Variants in CAMK1D observed in about 807,000 individuals in gnomAD.
The protein encoded by CAMK1D is calcium/calmodulin dependent protein kinase ID, also known as calcium/calmodulin-dependent protein kinase type 1D.
Under a neutral mutation model 47.7 loss-of-function variants are expected in CAMK1D, and 9 were observed. The observed-to-expected ratio is 0.19, with a 90% confidence interval of 0.11 to 0.33. The LOEUF (loss-of-function observed/expected upper bound fraction) is 0.33, where lower values mean the gene tolerates loss of function less well. Ranked by LOEUF, CAMK1D falls within the 10% of genes least tolerant of loss-of-function variation. The pLI, the probability that CAMK1D is intolerant of heterozygous loss-of-function variation, is 1.00. For missense variants in CAMK1D, 291 were observed against 488.7 expected (o/e 0.60, Z 3.81); for synonymous variants, 184 against 184.9 (o/e 0.99, Z 0.04).
chr10:12,773,175 TG>T (rs561344018), intron 5 of CAMK1D, among the ~76,000 whole-genome samples: 13 of 152,350 alleles, frequency 8.5e-5, no homozygotes, highest in African/African-American at 3.1e-4. Flanking sequence ...AGACACTTAC[TG>T]AATTTAGTAA....
chr10:12,672,066 C>T (rs1180237195), intron 3 of CAMK1D, among the ~76,000 whole-genome samples: 1 of 151,858 alleles, frequency 6.6e-6, no homozygotes, highest in Non-Finnish European at 1.5e-5. Flanking sequence ...CAGGCACCCG[C>T]CACCACGCCT....
intron 1 of CAMK1D, among the ~76,000 whole-genome samples, chr10:12,404,604 A>G (rs1238999936): frequency 5.3e-5 from 8 of 152,172 alleles, no homozygotes; most frequent in Non-Finnish European, 1.5e-5. Context: ...CTTGGTATGA[A>G]TAACTTCCTT....
chr10:12,411,601 CT>C (rs35221185), intron 1 of CAMK1D, among the ~76,000 whole-genome samples: 69,085 of 145,282 alleles, frequency 0.48, 16,263 homozygotes, highest in African/African-American at 0.59. Flanking sequence ...TACCTGGCTT[CT>C]TTTTTTTTTT....
intron 1 of CAMK1D, among the ~76,000 whole-genome samples, chr10:12,437,348 C>T (rs561170103): frequency 6.6e-5 from 10 of 152,248 alleles, no homozygotes; most frequent in Admixed American, 2.6e-4. Context: ...TCTGCTACCA[C>T]GCCTGGCTAA....
intron 1 of CAMK1D, among the ~76,000 whole-genome samples, chr10:12,497,136 T>C (rs1226739034): frequency 6.6e-6 from 1 of 152,178 alleles, no homozygotes; most frequent in Non-Finnish European, 1.5e-5. Context: ...ATCCAGTCTA[T>C]CATTGATGGG....
chr10:12,441,430 C>G (rs1832780697), intron 1 of CAMK1D, among the ~76,000 whole-genome samples: 1 of 151,844 alleles, frequency 6.6e-6, no homozygotes, highest in African/African-American at 2.4e-5. Flanking sequence ...CTCCTGGGTT[C>G]AAGTGATCCA....
intron 1 of CAMK1D, among the ~76,000 whole-genome samples, chr10:12,418,092 C>T (rs894582843): frequency 2.6e-5 from 4 of 152,216 alleles, no homozygotes; most frequent in East Asian, 1.9e-4. Context: ...TGAGCCACCA[C>T]GCCTGGCCTC....
At chr10:12,769,595 T>C in intron 4 of CAMK1D, 78 bp from the exon 5 acceptor site, 1 of 1,518,500 alleles carries the variant, frequency 6.6e-7, no homozygotes, top group Non-Finnish European at 9.0e-7. Flanking sequence ...TGAATAGGTT[T>C]TGCAGCTGAA....
intron 2 of CAMK1D, 129 bp downstream of exon 2, chr10:12,553,485 G>A (rs906053494): frequency 8.9e-6 from 6 of 677,220 alleles, no homozygotes; most frequent in Admixed American, 2.8e-5. Flanking sequence ...CTGTGCAAAC[G>A]ATAACCAACT....
chr10:12,410,921 C>T (rs1839634056), intron 1 of CAMK1D, among the ~76,000 whole-genome samples: 1 of 152,126 alleles, frequency 6.6e-6, no homozygotes, highest in South Asian at 2.1e-4. Flanking sequence ...GTACTAATTG[C>T]CAAAGGCGGC....
chr10:12,677,742 A>C (rs369403616), intron 3 of CAMK1D, among the ~76,000 whole-genome samples: 48 of 152,180 alleles, frequency 3.2e-4, no homozygotes, highest in African/African-American at 1.2e-3. Flanking sequence ...TGAGTCTATG[A>C]GGGACTTTGT....
intron 6 of CAMK1D, among the ~76,000 whole-genome samples, chr10:12,800,945 T>A (rs2493764): frequency 0.43 from 65,606 of 151,564 alleles, 15,677 homozygotes; most frequent in African/African-American, 0.66. Context: ...TGGTTCTGAG[T>A]TGTTGCCCAA....
At chr10:12,618,364 T>C (rs1838888508) in intron 2 of CAMK1D, among the ~76,000 whole-genome samples, 1 of 152,258 alleles carries the variant, frequency 6.6e-6, no homozygotes, top group Admixed American at 6.5e-5. Flanking sequence ...TGCATGCTCT[T>C]TCTAACATCT....
At chr10:12,628,921 A>G (rs1484671646) in intron 2 of CAMK1D, among the ~76,000 whole-genome samples, 5 of 152,236 alleles carry the variant, frequency 3.3e-5, no homozygotes, top group Admixed American at 3.3e-4. Context: ...TCACTTAGAA[A>G]TGCACAGTTA....
chr10:12,813,365 C>T, intron 6 of CAMK1D, among the ~76,000 whole-genome samples: 1 of 152,168 alleles, frequency 6.6e-6, no homozygotes, highest in Non-Finnish European at 1.5e-5. Context: ...AACTCAACGT[C>T]ATAAAATTTC....
chr10:12,400,379 C>T (rs1839133636), intron 1 of CAMK1D, among the ~76,000 whole-genome samples: 1 of 152,046 alleles, frequency 6.6e-6, no homozygotes, highest in Non-Finnish European at 1.5e-5. Flanking sequence ...AGCAGTCAAG[C>T]GAAGTGCTGA....
intron 3 of CAMK1D, among the ~76,000 whole-genome samples, chr10:12,674,539 A>G (rs961319923): frequency 7.0e-6 from 1 of 142,496 alleles, no homozygotes; most frequent in African/African-American, 2.6e-5. Context: ...TGCTGCAGCA[A>G]GAGTCTTAAT....
At chr10:12,575,187 G>C (rs1168732350) in intron 2 of CAMK1D, among the ~76,000 whole-genome samples, 2 of 152,144 alleles carry the variant, frequency 1.3e-5, no homozygotes, top group Non-Finnish European at 2.9e-5. Context: ...CTGCTGCCCA[G>C]GTTCAAGCGA....
intron 2 of CAMK1D, among the ~76,000 whole-genome samples, chr10:12,557,568 A>G (rs1836804477): frequency 6.6e-6 from 1 of 151,578 alleles, no homozygotes; most frequent in Admixed American, 6.6e-5. Flanking sequence ...AAAAAAAAAA[A>G]AAGAAAAAAG....
Sources: allele counts gnomAD v4.1 joint callset (sites outside exome capture counted in the v4.1 genomes callset), GRCh38; gene constraint gnomAD v4.1.1; transcripts MANE v1.5; gene names NCBI Gene and HGNC (gene_info 2026-07-23, HGNC 2026-07-21).